Variants in OPCML observed in about 807,000 individuals in gnomAD.
OPCML encodes opioid-binding protein/cell adhesion molecule.
Under a neutral mutation model 37.8 loss-of-function variants are expected in OPCML, and 13 were observed. The observed-to-expected ratio is 0.34, with a 90% confidence interval of 0.22 to 0.55. The LOEUF is 0.55. OPCML is among the 20% of genes least tolerant of loss of function. OPCML has a pLI of 0.91. For synonymous variants in OPCML, 176 were observed against 168.8 expected (o/e 1.04, Z -0.33); for missense variants, 341 against 435.6 (o/e 0.78, Z 1.93).
At chr11:132,730,212 C>T (rs570533693) in intron 2 of OPCML, among the ~76,000 whole-genome samples, 2 of 151,800 alleles carry the variant, frequency 1.3e-5, no homozygotes, top group African/African-American at 4.8e-5. Flanking sequence ...GATTTCTATG[C>T]AGCCTAACTA....
At chr11:133,432,260 C>G (rs1010083882) in intron 1 of OPCML, among the ~76,000 whole-genome samples, 4 of 152,170 alleles carry the variant, frequency 2.6e-5, no homozygotes, top group Non-Finnish European at 4.4e-5. Flanking sequence ...AAAGAGAAAT[C>G]AGTTCTTAGT....
At position 132,792,118 on chromosome 11, in the gene OPCML, T is replaced by TTTTTG. The variant is rs1360396957; in HGVS notation, c.147-134804_147-134800dup. ...GGAGGAAGCCCCTTTATTTCTTTGC[T>TTTTTG]TTTTGTTTTGTTTTGTTTTCATTTG... On this transcript the variant is annotated intron_variant, in intron 2 of 7. Transcript: ENST00000524381. Among the ~76,000 whole-genome samples, 5 of 152,350 alleles carry TTTTTG rather than the reference T, an allele frequency of 3.3e-5. No homozygotes were observed. The South Asian group carries it at 6.2e-4, about 19-fold the overall frequency.
At chr11:133,122,891 A>G (rs1019582726) in intron 1 of OPCML, among the ~76,000 whole-genome samples, 5 of 152,190 alleles carry the variant, frequency 3.3e-5, no homozygotes, top group African/African-American at 9.7e-5. Context: ...GAGTAATTCT[A>G]TTCTCCAGCT....
chr11:133,006,595 T>C (rs1416619208), intron 1 of OPCML: 2 of 985,332 alleles, frequency 2.0e-6, no homozygotes, highest in Non-Finnish European at 1.2e-6. Flanking sequence ...TGAAAGTCGC[T>C]GGCCGAACCA....
In OPCML at chr11:133,206,015, G is replaced by A. The variant is rs1353926241; in HGVS notation, c.62-263005C>T. Among the ~76,000 whole-genome samples, 3 of 152,182 alleles carry A rather than the reference G, an allele frequency of 2.0e-5. No individual in the cohort carries two copies. Among genetic ancestry groups the A allele is most frequent in the African/African-American group, 4.8e-5 (2 of 41,446 alleles). ...GTGAGATGGAGATGCTACTACTGCC[G>A]TGAGGAATACAAGAGCTAATGTACA... On this transcript the variant is annotated intron_variant, in intron 1 of 7. Coordinates refer to ENST00000524381, the MANE Select transcript of OPCML (RefSeq NM_001012393.5). This position sits in a 1 kb window ranked among gnomAD's most constrained non-coding sequence, Gnocchi z 4.7.
intron 3 of OPCML, among the ~76,000 whole-genome samples, chr11:132,629,998 A>C (rs1939995354): frequency 6.6e-6 from 1 of 152,214 alleles, no homozygotes; most frequent in Non-Finnish European, 1.5e-5. Context: ...TTTTTCAATG[A>C]CTATACTGGC....
chr11:132,787,876 A>G (rs1305363534), intron 2 of OPCML, among the ~76,000 whole-genome samples: 1 of 151,928 alleles, frequency 6.6e-6, no homozygotes, highest in East Asian at 1.9e-4. Context: ...TTTCCAGTTA[A>G]TGATTTTTTG....
At chr11:132,716,032 G>C (rs556414489) in intron 2 of OPCML, among the ~76,000 whole-genome samples, 1 of 152,326 alleles carries the variant, frequency 6.6e-6, no homozygotes, top group South Asian at 2.1e-4. Context: ...CTATCAGCTA[G>C]AGAATTCAGC....
At position 133,183,922 on chromosome 11, in the gene OPCML, C is replaced by T. The variant is rs1261979884; in HGVS notation, c.62-240912G>A. 2.2e-4 allele frequency among the ~76,000 whole-genome samples: 33 copies of T among 152,192 alleles called. 1 individual carries two copies. Among genetic ancestry groups the T allele is most frequent in the Admixed American group, 2.2e-3 (33 of 15,282 alleles). The stretch of plus-strand genomic sequence containing the variant: ...TGATTTTCAATTACACCCGAGTCTA[C>T]TCTGGCTCACACGGGAGATTAACCA... On this transcript the variant is annotated intron_variant, in intron 1 of 7. Coordinates refer to ENST00000524381, the MANE Select transcript of OPCML (RefSeq NM_001012393.5).
At chr11:133,399,607 T>C (rs1592265588) in intron 1 of OPCML, among the ~76,000 whole-genome samples, 2 of 152,004 alleles carry the variant, frequency 1.3e-5, no homozygotes, top group African/African-American at 2.4e-5. Flanking sequence ...CAAACACACA[T>C]ACCCCCTCTA....
intron 2 of OPCML, among the ~76,000 whole-genome samples, chr11:132,766,639 T>A (rs991951265): frequency 6.6e-6 from 1 of 152,060 alleles, no homozygotes; most frequent in Non-Finnish European, 1.5e-5. Context: ...AGCCACCACC[T>A]CCTGACCCCT....
chr11:133,406,957 A>G (rs1945540268), intron 1 of OPCML, among the ~76,000 whole-genome samples: 1 of 152,190 alleles, frequency 6.6e-6, no homozygotes, highest in Non-Finnish European at 1.5e-5. Flanking sequence ...ATGGAAGACA[A>G]CCTGGAAAGT....
intron 1 of OPCML, among the ~76,000 whole-genome samples, chr11:133,401,092 A>G (rs563113265): frequency 2.0e-5 from 3 of 152,326 alleles, no homozygotes; most frequent in Non-Finnish European, 4.4e-5. Flanking sequence ...AAAGTCACTG[A>G]AAAATAAATA....
intron 2 of OPCML, among the ~76,000 whole-genome samples, chr11:132,708,589 C>T (rs1944132584): frequency 6.6e-6 from 1 of 152,208 alleles, no homozygotes; most frequent in Non-Finnish European, 1.5e-5. Context: ...TCAAACGCCG[C>T]TGGATCCTTC....
At chr11:133,003,819 C>T in intron 1 of OPCML, 3 of 985,378 alleles carry the variant, frequency 3.0e-6, no homozygotes, top group Non-Finnish European at 3.6e-6. Context: ...ACAATTTCTC[C>T]AAACAGCGGA....
chr11:132,909,785 G>A (rs1030745290), intron 2 of OPCML, among the ~76,000 whole-genome samples: 3 of 152,144 alleles, frequency 2.0e-5, no homozygotes, highest in Non-Finnish European at 4.4e-5. Context: ...TATATGCAGC[G>A]GATGTGGCAT....
intron 1 of OPCML, among the ~76,000 whole-genome samples, chr11:132,997,986 A>T (rs1946918356): frequency 6.6e-6 from 1 of 152,102 alleles, no homozygotes; most frequent in Admixed American, 6.5e-5. Context: ...AACTTGCCTG[A>T]CCCCTAGAAA....
intron 1 of OPCML, among the ~76,000 whole-genome samples, chr11:133,305,170 T>C (rs1005252433): frequency 2.0e-5 from 3 of 152,172 alleles, no homozygotes; most frequent in Admixed American, 2.0e-4. Context: ...CTCACAGAGA[T>C]GTTGTGAGTA....
At chr11:133,477,995 AC>A (rs1947281879) in intron 1 of OPCML, among the ~76,000 whole-genome samples, 1 of 152,220 alleles carries the variant, frequency 6.6e-6, no homozygotes, top group African/African-American at 2.4e-5. Context: ...AGATGTGCTT[AC>A]TGCTTATCAG....
Sources: allele counts gnomAD v4.1 joint callset (sites outside exome capture counted in the v4.1 genomes callset), GRCh38; gene constraint gnomAD v4.1.1; non-coding constraint Gnocchi (gnomAD v3.1); transcripts MANE v1.5; gene names NCBI Gene and HGNC (gene_info 2026-07-23, HGNC 2026-07-21).